DAB1: variants seen among roughly 807,000 people sequenced by gnomAD.
DAB1 encodes disabled homolog 1.
DAB1 carries 15 observed loss-of-function variants against 64.6 expected under a neutral mutation model. The observed-to-expected ratio is 0.23, with a 90% CI of 0.16 to 0.36. DAB1 has a LOEUF of 0.36. Among genes scored for constraint, DAB1 ranks in the 10% least tolerant of loss-of-function variants. The pLI is 1.00. For missense variants in DAB1, 596 were observed against 706.7 expected, an observed-to-expected ratio of 0.84 and a Z score of 1.78; for synonymous variants, 235 against 251.9, an observed-to-expected ratio of 0.93 and a Z score of 0.64.
At chr1:58,326,055 G>A (rs1476534281) in intron 4 of DAB1, among the ~76,000 whole-genome samples, 2 of 152,080 alleles carry the variant, frequency 1.3e-5, no homozygotes, top group Non-Finnish European at 2.9e-5. Flanking sequence ...ACTCCTTCAC[G>A]TGTCTCCAGG....
At chr1:57,811,271 G>A (rs1421669099) in intron 6 of DAB1, among the ~76,000 whole-genome samples, 2 of 152,312 alleles carry the variant, frequency 1.3e-5, no homozygotes, top group African/African-American at 4.8e-5. Context: ...GGTGGGGGCT[G>A]GTGGAAGGTG....
chr1:57,841,907 G>A (rs1653068856), intron 1 of DAB1, among the ~76,000 whole-genome samples: 1 of 152,182 alleles, frequency 6.6e-6, no homozygotes, highest in Non-Finnish European at 1.5e-5. Context: ...AATTTCTGCA[G>A]GCAGCTTGAA....
chr1:58,032,745 C>A (rs569534733), intron 5 of DAB1, among the ~76,000 whole-genome samples: 1 of 152,282 alleles, frequency 6.6e-6, no homozygotes, highest in East Asian at 1.9e-4. Flanking sequence ...ACATGCCTAG[C>A]TAAAAAGTTA....
In DAB1 at chr1:57,804,595, C is replaced by T. The variant is rs201082235; in HGVS notation, n.551+79404G>A. 1.4e-3 allele frequency among the ~76,000 whole-genome samples: 219 copies of T among 152,322 alleles called. 6 individuals carry two copies. The South Asian group carries it at 0.035, about 24-fold the overall frequency. ...CAGTCTCTTCCTCCTAAGCTGCACC[C>T]TTATGTCTGGCTCCACTATTATAAC... On this transcript the variant is annotated intron_variant and non_coding_transcript_variant, in intron 6 of 20. Coordinates refer to the DAB1 transcript ENST00000485760.
chr1:57,722,401 T>C (rs1160407799), intron 6 of DAB1, among the ~76,000 whole-genome samples: 3 of 152,180 alleles, frequency 2.0e-5, no homozygotes, highest in African/African-American at 4.8e-5. Flanking sequence ...CAGTCACAAA[T>C]ACTTGGCGTA....
rs146717465 is a variant in DAB1 at position 57,382,519 on chromosome 1, T to C, written c.-137+41411A>G. Among the ~76,000 whole-genome samples, 323 of 152,288 alleles carry C rather than the reference T, an allele frequency of 2.1e-3. 2 individuals are homozygous for C. Among genetic ancestry groups the C allele is most frequent in the African/African-American group, 7.4e-3 (306 of 41,552 alleles). ...TGCTATAGAAGTCCAATAAAGGTAT[T>C]TCTAGACTAAAATCAAAATATCCAG... On this transcript the variant is annotated intron_variant, in intron 1 of 14. Coordinates refer to ENST00000371236, the MANE Select transcript of DAB1 (RefSeq NM_001365792.1).
intron 4 of DAB1, among the ~76,000 whole-genome samples, chr1:58,190,420 A>G (rs1657321858): frequency 6.6e-6 from 1 of 152,048 alleles, no homozygotes; most frequent in Non-Finnish European, 1.5e-5. Flanking sequence ...CACTTCTCTA[A>G]TTCTTGATGT....
intron 1 of DAB1, among the ~76,000 whole-genome samples, chr1:57,838,944 T>C (rs939631171): frequency 1.3e-5 from 2 of 151,968 alleles, no homozygotes; most frequent in Admixed American, 6.6e-5. Context: ...GCTCAGCTAA[T>C]GTATTTATTT....
intron 1 of DAB1, chr1:58,533,854 A>AT: frequency 1.3e-6 from 1 of 752,158 alleles, no homozygotes. Context: ...AAAGTCTATC[A>AT]TTTTTAAAAA....
At chr1:57,796,302 C>T (rs888690543) in intron 6 of DAB1, among the ~76,000 whole-genome samples, 3 of 151,862 alleles carry the variant, frequency 2.0e-5, no homozygotes, top group Non-Finnish European at 2.9e-5. Flanking sequence ...CCGAGGCAGG[C>T]GGATCACAAG....
At chr1:57,072,039 T>C (rs1651516730) in intron 5 of DAB1, among the ~76,000 whole-genome samples, 1 of 148,112 alleles carries the variant, frequency 6.8e-6, no homozygotes, top group Non-Finnish European at 1.5e-5. Context: ...GGAAAATAAT[T>C]AGTCATTAGG....
intron 2 of DAB1, among the ~76,000 whole-genome samples, chr1:57,185,783 G>A (rs1663489851): frequency 6.6e-6 from 1 of 152,106 alleles, no homozygotes; most frequent in Non-Finnish European, 1.5e-5. Flanking sequence ...CAGAGAGTGA[G>A]GTAAGTTTTC....
chr1:57,773,036 T>C (rs1649630461), intron 6 of DAB1, among the ~76,000 whole-genome samples: 2 of 152,054 alleles, frequency 1.3e-5, no homozygotes, highest in African/African-American at 4.8e-5. Flanking sequence ...TACCAAGAAC[T>C]GCCAGCAACC....
At chr1:57,087,733 G>T (rs949957791) in intron 4 of DAB1, among the ~76,000 whole-genome samples, 8 of 152,178 alleles carry the variant, frequency 5.3e-5, no homozygotes, top group African/African-American at 1.9e-4. Context: ...AGTTGGATTA[G>T]CTGCCTCTGT....
intron 6 of DAB1, among the ~76,000 whole-genome samples, chr1:57,732,330 A>C (rs985398929): frequency 1.3e-5 from 2 of 152,078 alleles, no homozygotes; most frequent in African/African-American, 4.8e-5. Flanking sequence ...CTGAAGGCAA[A>C]CTCCACTACT....
At chr1:57,975,981 C>T (rs990891637) in intron 5 of DAB1, among the ~76,000 whole-genome samples, 3 of 152,226 alleles carry the variant, frequency 2.0e-5, no homozygotes, top group East Asian at 1.9e-4. Context: ...ACATCGGAGA[C>T]TTCTTTGCTC....
intron 5 of DAB1, among the ~76,000 whole-genome samples, chr1:58,046,882 C>T (rs940784484): frequency 6.6e-6 from 1 of 152,146 alleles, no homozygotes; most frequent in African/African-American, 2.4e-5. Context: ...ATTTCTGGGC[C>T]ACTCACTGAG....
At chr1:58,455,552 T>C (rs949791852) in intron 3 of DAB1, among the ~76,000 whole-genome samples, 2 of 152,220 alleles carry the variant, frequency 1.3e-5, no homozygotes, top group Non-Finnish European at 2.9e-5. Context: ...CCTACTGAAT[T>C]ATGCTCAATG....
Position 57,546,112 on chromosome 1 carries a change from C to T in DAB1, n.625+103480G>A, listed in dbSNP as rs1644854473. On this transcript the variant is annotated intron_variant and non_coding_transcript_variant, in intron 7 of 20. Coordinates refer to the DAB1 transcript ENST00000485760. ...GTGTGTGTGTGTGCGCGCACGTGTGCATGTTTGTAGAAGTTGGGGGACAGA... is the reference window on the plus strand; with the variant it reads ...GTGTGTGTGTGTGCGCGCACGTGTGTATGTTTGTAGAAGTTGGGGGACAGA... Among the ~76,000 whole-genome samples, 4 of 147,954 alleles carry T rather than the reference C, an allele frequency of 2.7e-5. No individual in the cohort carries two copies. In the South Asian group the frequency reaches 8.6e-4, roughly 32 times the overall value.
Sources: gnomAD v4.1 joint callset for allele counts (sites outside exome capture counted in the v4.1 genomes callset) on GRCh38, gnomAD v4.1.1 for gene constraint, MANE v1.5 for transcripts, NCBI Gene and HGNC (gene_info 2026-07-23, HGNC 2026-07-21) for gene names.